SIT1: variants seen among roughly 807,000 people sequenced by gnomAD.
SIT1 encodes the protein signaling threshold-regulating transmembrane adapter 1.
SIT1 carries 19 observed loss-of-function variants against 23.5 expected under a neutral mutation model. The ratio of observed to expected loss-of-function variants is 0.81; its 90% CI spans 0.56 to 1.19. SIT1 has a LOEUF of 1.19. Among genes scored for constraint, SIT1 ranks in the 50% most tolerant of loss-of-function variants. The pLI is 0.00. For synonymous variants in SIT1, 114 were observed against 109.1 expected (o/e 1.04, Z -0.28); for missense variants, 213 against 254.9 (o/e 0.84, Z 1.12).
rs879199300 is a variant in SIT1, at chr9:35,650,910, G to A, written c.-57C>T. On this transcript the variant is annotated 5_prime_UTR_variant, in exon 1 of 5. Coordinates refer to ENST00000259608, the MANE Select transcript of SIT1 (RefSeq NM_014450.3). This position sits in a 1 kb window ranked among gnomAD's most constrained non-coding sequence, Gnocchi z 4.8. ...CCATCCCTCCTCAGGCCCGTACCCC[G>A]CAGCTCAGCATCCCCAATACTGGTG... 4.9e-5 allele frequency: 63 copies of A among 1,289,470 alleles called. 1 individual carries two copies. Among genetic ancestry groups the A allele is most frequent in the South Asian group, 3.2e-4 (25 of 79,364 alleles). The allele number at this position is 1,289,470 out of a possible 1,614,324, so 79.9% of individuals were successfully genotyped here.
rs1330640063 is a variant in SIT1 at position 35,649,676 on chromosome 9, C to T, written c.*172G>A. The stretch of plus-strand genomic sequence containing the variant: ...GCTACTGTCTTTGCCTCCTCCATCA[C>T]GAAAGCTTTGCCCTGAGATGTCTCC... On this transcript the variant is annotated 3_prime_UTR_variant, in exon 5 of 5. Transcript: ENST00000259608. 2.9e-5 allele frequency: 15 copies of T among 525,616 alleles called. No homozygotes were observed. Among genetic ancestry groups the T allele is most frequent in the African/African-American group, 1.5e-4 (8 of 52,174 alleles). The allele number at this position is 525,616 out of a possible 1,614,324, so 32.6% of individuals were successfully genotyped here. A position where few individuals can be genotyped will look rare whatever the true frequency, so the allele number is the denominator to read the frequency against.
chr9:35,650,456 T>G lies in SIT1; in HGVS notation c.237-41A>C, dbSNP rs1051967415. 1 of 1,613,918 alleles carries G rather than the reference T, an allele frequency of 6.2e-7. No individual in the cohort carries two copies. The highest frequency in any genetic ancestry group is 8.5e-7 in the Non-Finnish European group (1 of 1,179,926). On this transcript the variant is annotated intron_variant, in intron 2 of 4. Coordinates refer to ENST00000259608, the MANE Select transcript of SIT1 (RefSeq NM_014450.3). The surrounding 1 kb of genome is among the most constrained non-coding windows in gnomAD (Gnocchi z 4.8). The stretch of plus-strand genomic sequence containing the variant: ...TAGGGGATGAGTGGGGACTTCTCGG[T>G]AAGAGAGAACTCTCAGTCAACCCAT...
At position 35,649,606 on chromosome 9, in the gene SIT1, T is replaced by G; in HGVS notation, c.*242A>C. The G allele has an allele frequency of 2.5e-6, 1 of 400,784 alleles. No homozygotes were observed. Among genetic ancestry groups the G allele is most frequent in the Non-Finnish European group, 4.4e-6 (1 of 225,128 alleles). 24.8% of individuals were successfully genotyped at this position (400,784 alleles called of 1,614,324 possible). On this transcript the variant is annotated 3_prime_UTR_variant, in exon 5 of 5. Coordinates refer to ENST00000259608, the MANE Select transcript of SIT1 (RefSeq NM_014450.3). ...GAAGAAGGAAGTGAGAACCTGGGAG[T>G]TTGGGGGCTAAGAGGAACAGATAGA...
At position 35,650,796 on chromosome 9, in the gene SIT1, C is replaced by T. The variant is rs1325378100; in HGVS notation, c.58G>A (p.Ala20Thr). 6.2e-7 allele frequency: 1 copy of T among 1,613,786 alleles called. No individual in the cohort carries two copies. Among genetic ancestry groups the T allele is most frequent in the Admixed American group, 1.7e-5 (1 of 59,984 alleles). The change falls in exon 1 of 5, where the codon GCC becomes ACC. Residue 20 changes from alanine (A) to threonine (T), a missense_variant. Coordinates refer to ENST00000259608, the MANE Select transcript of SIT1 (RefSeq NM_014450.3). This position sits in a 1 kb window ranked among gnomAD's most constrained non-coding sequence, Gnocchi z 4.8. ...GTGCAGTTGTCGCCTCTGCTCATGGCTGCAGATGTGAGAGTCCACAAGCAC... is the reference window on the plus strand; with the variant it reads ...GTGCAGTTGTCGCCTCTGCTCATGGTTGCAGATGTGAGAGTCCACAAGCAC... ...AVCLWTLTSA[A>T]MSRGDNCTDL... is the part of the protein sequence containing the mutation.
rs2297880 is a variant in SIT1, at chr9:35,650,461, G to A, written c.236+41C>T. On this transcript the variant is annotated intron_variant, in intron 2 of 4. Transcript: ENST00000259608. The surrounding 1 kb of genome is among the most constrained non-coding windows in gnomAD (Gnocchi z 4.8). ...GATGAGTGGGGACTTCTCGGTAAGA[G>A]AGAACTCTCAGTCAACCCATCCCTG... The A allele has an allele frequency of 0.73, 1,177,070 of 1,613,424 alleles. 433,158 individuals carry two copies. The highest frequency in any genetic ancestry group is 0.76 in the Non-Finnish European group (894,469 of 1,179,694).
chr9:35,649,510 C>T lies in SIT1; in HGVS notation c.*338G>A, dbSNP rs1587912924. 9.2e-6 allele frequency: 2 copies of T among 217,608 alleles called. No homozygotes were observed. The highest frequency in any genetic ancestry group is 5.7e-5 in the Admixed American group (1 of 17,666). The allele number at this position is 217,608 out of a possible 1,614,324, so 13.5% of individuals were successfully genotyped here. ...CCTCCCCCACCGCCCACTTCCTGTG[C>T]CTGAGGAGACACTGAGGCGTGGGGG... On this transcript the variant is annotated 3_prime_UTR_variant, in exon 5 of 5. Transcript: ENST00000259608.
chr9:35,650,225 C>G lies in SIT1; in HGVS notation c.316G>C (p.Glu106Gln), dbSNP rs760523284. Residue 106 changes from glutamate (E) to glutamine (Q), a missense_variant, in exon 4 of 5, where the codon GAG (glutamate) becomes CAG (glutamine). Coordinates refer to ENST00000259608, the MANE Select transcript of SIT1 (RefSeq NM_014450.3). This position sits in a 1 kb window ranked among gnomAD's most constrained non-coding sequence, Gnocchi z 4.8. ...LQTGRLSQDPEPDQQDPTLGG... is the reference protein window; with the variant it reads ...LQTGRLSQDPQPDQQDPTLGG... ...AGAGTTGGATCCTGCTGGTCTGGCT[C>G]TGGGTCTTGAGACAGCCGTCCTGGG... is the stretch of plus-strand genomic sequence containing the variant. 3 of 1,614,006 alleles carry G rather than the reference C, an allele frequency of 1.9e-6. No homozygotes were observed. Among genetic ancestry groups the G allele is most frequent in the Non-Finnish European group, 1.7e-6 (2 of 1,179,954 alleles).
chr9:35,649,468 A>C lies in SIT1; in HGVS notation c.*380T>G. On this transcript the variant is annotated 3_prime_UTR_variant, in exon 5 of 5. Transcript: ENST00000259608. ...TCCTGAGGAATATACCCACCCACCCACTGTCAGGCCCTTACCCCTCCCCCA... is the reference window on the plus strand; with the variant it reads ...TCCTGAGGAATATACCCACCCACCCCCTGTCAGGCCCTTACCCCTCCCCCA... 2 of 177,564 alleles carry C rather than the reference A, an allele frequency of 1.1e-5. No individual in the cohort carries two copies. Among genetic ancestry groups the C allele is most frequent in the East Asian group, 1.5e-4 (1 of 6,646 alleles). The allele number at this position is 177,564 out of a possible 1,614,324, so 11.0% of individuals were successfully genotyped here. A position where few individuals can be genotyped will look rare whatever the true frequency, so the allele number is the denominator to read the frequency against.
chr9:35,650,570 GAGAAAT>G lies in SIT1; in HGVS notation c.162_167del (p.Phe55_Leu56del). ...GGGACAAGTGTGCAGCCAGCGAGAT[GAGAAAT>G]AGCAGCGTCACAGCCCCTAAGAGGA... is the stretch of plus-strand genomic sequence containing the variant. On this transcript the variant is annotated inframe_deletion, in exon 2 of 5. Coordinates refer to ENST00000259608, the MANE Select transcript of SIT1 (RefSeq NM_014450.3). This position sits in a 1 kb window ranked among gnomAD's most constrained non-coding sequence, Gnocchi z 4.8. The G allele has an allele frequency of 6.2e-7, 1 of 1,613,898 alleles. No homozygotes were observed. The highest frequency in any genetic ancestry group is 8.5e-7 in the Non-Finnish European group (1 of 1,180,010).
At position 35,649,909 on chromosome 9, in the gene SIT1, C is replaced by T. The variant is rs199726210; in HGVS notation, c.530G>A (p.Arg177His). 3.7e-5 allele frequency: 59 copies of T among 1,584,824 alleles called. No homozygotes were observed. The highest frequency in any genetic ancestry group is 5.4e-5 in the African/African-American group (4 of 74,736). ...ATCCGGGAAGGAGGCCCGGGCCCTG[C>T]GGGTCTGGGCACATACTGAGGCATA... ...ELYASVCAQT[R>H]RARASFPDQA... The change falls in exon 5 of 5, where the codon CGC becomes CAC. Residue 177 changes from arginine to histidine, a missense_variant. Arg to His is a conservative substitution (Grantham distance 29, BLOSUM62 0). Transcript: ENST00000259608.
rs1043497034 is a variant in SIT1, at chr9:35,650,335, C to T, written c.295+22G>A. 13 of 1,613,806 alleles carry T rather than the reference C, an allele frequency of 8.1e-6. No individual in the cohort carries two copies. The highest frequency in any genetic ancestry group is 2.7e-5 in the African/African-American group (2 of 74,906). On this transcript the variant is annotated intron_variant, in intron 3 of 4. Coordinates refer to ENST00000259608, the MANE Select transcript of SIT1 (RefSeq NM_014450.3). This position sits in a 1 kb window ranked among gnomAD's most constrained non-coding sequence, Gnocchi z 4.8. ...CACCCAGGACCTGGCCTCTGTGCCC[C>T]TCCTCTCTGCCAGCTCCCTACCTGT...
rs756883561 is a variant in SIT1, at chr9:35,649,803, G to A, written c.*45C>T. The A allele has an allele frequency of 1.9e-5, 25 of 1,344,890 alleles. No individual in the cohort carries two copies. Among genetic ancestry groups the A allele is most frequent in the African/African-American group, 5.9e-5 (4 of 68,150 alleles). 83.3% of individuals were successfully genotyped at this position (1,344,890 alleles called of 1,614,324 possible). On this transcript the variant is annotated 3_prime_UTR_variant, in exon 5 of 5. Transcript: ENST00000259608. ...TGGGAAACAGTCATGCCCCTGCTACGGGGGGCTGGGGCAGTGCACGCCCCG... is the reference window on the plus strand; with the variant it reads ...TGGGAAACAGTCATGCCCCTGCTACAGGGGGCTGGGGCAGTGCACGCCCCG...
At position 35,650,799 on chromosome 9, in the gene SIT1, C is replaced by T; in HGVS notation, c.55G>A (p.Ala19Thr). The T allele has an allele frequency of 6.2e-7, 1 of 1,613,762 alleles. No homozygotes were observed. Among genetic ancestry groups the T allele is most frequent in the Non-Finnish European group, 8.5e-7 (1 of 1,179,850 alleles). Residue 19 changes from alanine (A) to threonine (T), a missense_variant, in exon 1 of 5, where the codon GCA becomes ACA. Transcript: ENST00000259608. The surrounding 1 kb of genome is among the most constrained non-coding windows in gnomAD (Gnocchi z 4.8). Reference sequence around the variant, plus strand: ...CAGTTGTCGCCTCTGCTCATGGCTGCAGATGTGAGAGTCCACAAGCACACT... The same window carrying T: ...CAGTTGTCGCCTCTGCTCATGGCTGTAGATGTGAGAGTCCACAAGCACACT... ...RAVCLWTLTS[A>T]AMSRGDNCTD...
chr9:35,650,085 G>C lies in SIT1; in HGVS notation c.358-4C>G, dbSNP rs772550357. 1.2e-6 allele frequency: 2 copies of C among 1,610,040 alleles called. No homozygotes were observed. The highest frequency in any genetic ancestry group is 2.7e-5 in the African/African-American group (2 of 74,866). On this transcript the variant is annotated splice_region_variant and splice_polypyrimidine_tract_variant and intron_variant, in intron 4 of 4. Transcript: ENST00000259608. This position sits in a 1 kb window ranked among gnomAD's most constrained non-coding sequence, Gnocchi z 4.8. ...AGCACATCACCTCCTCTGCAGCCTGGAGATGCAAGGCTGTTAGAAGTTCAC... is the reference window on the plus strand; with the variant it reads ...AGCACATCACCTCCTCTGCAGCCTGCAGATGCAAGGCTGTTAGAAGTTCAC...
At position 35,650,603 on chromosome 9, in the gene SIT1, C is replaced by T. The variant is rs370978704; in HGVS notation, c.135G>A (p.Trp45Ter). 6.2e-6 allele frequency: 10 copies of T among 1,613,630 alleles called. No individual in the cohort carries two copies. Among genetic ancestry groups the T allele is most frequent in the African/African-American group, 1.3e-5 (1 of 74,894 alleles). ...GCAGCGTCACAGCCCCTAAGAGGAC[C>T]CACAGTCCCCAGGCCTGGGTTATGG... Reference protein sequence around the residue: ...IPSITQAWGLWVLLGAVTLLF... With the variant: ...IPSITQAWGL Residue 45 changes from tryptophan (W) to a stop codon, truncating the protein, a stop_gained, in exon 2 of 5, where the codon TGG (tryptophan) becomes TGA (stop). Coordinates refer to ENST00000259608, the MANE Select transcript of SIT1 (RefSeq NM_014450.3). LOFTEE classifies it high-confidence loss of function. The surrounding 1 kb of genome is among the most constrained non-coding windows in gnomAD (Gnocchi z 4.8).
chr9:35,650,354 T>C lies in SIT1; in HGVS notation c.295+3A>G. The stretch of plus-strand genomic sequence containing the variant: ...GTGCCCCTCCTCTCTGCCAGCTCCC[T>C]ACCTGTCTGTAGATAATGCAGGTTC... On this transcript the variant is annotated splice_donor_region_variant and intron_variant, in intron 3 of 4. Transcript: ENST00000259608. The surrounding 1 kb of genome is among the most constrained non-coding windows in gnomAD (Gnocchi z 4.8). 6.2e-7 allele frequency: 1 copy of C among 1,613,992 alleles called. No individual in the cohort carries two copies. Among genetic ancestry groups the C allele is most frequent in the Admixed American group, 1.7e-5 (1 of 60,018 alleles).
Position 35,650,156 on chromosome 9 carries a change from C to A in SIT1, c.357+28G>T. 6.2e-7 allele frequency: 1 copy of A among 1,613,772 alleles called. No individual in the cohort carries two copies. Among genetic ancestry groups the A allele is most frequent in the Non-Finnish European group, 8.5e-7 (1 of 1,179,672 alleles). Reference sequence around the variant, plus strand: ...AAAAGCCCCCCACTTCCTTCCCTCCCCCTTTTCTCCAGCCACAGTTGACTC... The same window carrying A: ...AAAAGCCCCCCACTTCCTTCCCTCCACCTTTTCTCCAGCCACAGTTGACTC... On this transcript the variant is annotated intron_variant, in intron 4 of 4. Transcript: ENST00000259608. The surrounding 1 kb of genome is among the most constrained non-coding windows in gnomAD (Gnocchi z 4.8).
At position 35,650,610 on chromosome 9, in the gene SIT1, C is replaced by A; in HGVS notation, c.128G>T (p.Gly43Val). ...LGIPSITQAW[G>V]LWVLLGAVTL... ...CACAGCCCCTAAGAGGACCCACAGTCCCCAGGCCTGGGTTATGGAGGGGAT... is the reference window on the plus strand; with the variant it reads ...CACAGCCCCTAAGAGGACCCACAGTACCCAGGCCTGGGTTATGGAGGGGAT... The change falls in exon 2 of 5, where the codon GGA becomes GTA. Residue 43 changes from glycine (G) to valine (V), a missense_variant. By Grantham distance (109) the Gly-to-Val change is moderately radical (BLOSUM62 -3). Transcript: ENST00000259608. This position sits in a 1 kb window ranked among gnomAD's most constrained non-coding sequence, Gnocchi z 4.8. 1 of 1,613,736 alleles carries A rather than the reference C, an allele frequency of 6.2e-7. No individual in the cohort carries two copies. Among genetic ancestry groups the A allele is most frequent in the Non-Finnish European group, 8.5e-7 (1 of 1,179,994 alleles).
In SIT1 at chr9:35,649,998, C is replaced by T; in HGVS notation, c.441G>A (p.Lys147=). ...GRIPGPGTPV[K]YSEVVLDSEP... ...CAGAGTCCAGCACCACCTCCGAGTA[C>T]TTGACGGGGGTTCCAGGACCGGGGA... is the stretch of plus-strand genomic sequence containing the variant. The change falls in exon 5 of 5, where the codon AAG becomes AAA. Residue 147 remains lysine, a synonymous_variant. Transcript: ENST00000259608. The T allele has an allele frequency of 1.3e-6, 2 of 1,585,182 alleles. No homozygotes were observed. Among genetic ancestry groups the T allele is most frequent in the Non-Finnish European group, 1.7e-6 (2 of 1,165,020 alleles).
Sources: gnomAD v4.1 joint callset for allele counts on GRCh38, gnomAD v4.1.1 for gene constraint, Gnocchi (gnomAD v3.1) non-coding constraint, MANE v1.5 for transcripts, NCBI Gene and HGNC (gene_info 2026-07-23, HGNC 2026-07-21) for gene names.